The following PAK5 variants were observed in gnomAD, a reference collection of about 807,000 sequenced individuals.
PAK5 encodes p21 (RAC1) activated kinase 5.
PAK5 carries 16 observed loss-of-function variants against 65.9 expected under a neutral mutation model. That is an observed-to-expected ratio of 0.24 (90% confidence interval 0.16 to 0.37). PAK5 has a LOEUF of 0.37. Among genes scored for constraint, PAK5 ranks in the 10% least tolerant of loss-of-function variants. The pLI is 1.00. For synonymous variants in PAK5, 371 were observed against 354.9 expected (o/e 1.05, Z -0.51); for missense variants, 785 against 903.9 (o/e 0.87, Z 1.69).
At chr20:9,638,600 C>G (rs755948219) in intron 3 of PAK5, among the ~76,000 whole-genome samples, 13 of 152,188 alleles carry the variant, frequency 8.5e-5, no homozygotes, top group Non-Finnish European at 1.3e-4. Context: ...GGGCCCCATC[C>G]CAGTTCTACT....
chr20:9,642,432 G>A (rs1029266697), intron 3 of PAK5, among the ~76,000 whole-genome samples: 1 of 152,000 alleles, frequency 6.6e-6, no homozygotes, highest in African/African-American at 2.4e-5. Flanking sequence ...GATACTCCAG[G>A]GTAAGAAAAT....
At chr20:9,644,921 G>A (rs2047113781) in intron 2 of PAK5, among the ~76,000 whole-genome samples, 1 of 152,194 alleles carries the variant, frequency 6.6e-6, no homozygotes, top group Non-Finnish European at 1.5e-5. Flanking sequence ...AAGCTGACCA[G>A]TACACAGGGA....
At chr20:9,668,064 A>G (rs1266076311) in intron 2 of PAK5, among the ~76,000 whole-genome samples, 1 of 152,134 alleles carries the variant, frequency 6.6e-6, no homozygotes, top group Non-Finnish European at 1.5e-5. Context: ...TGAGAACAAG[A>G]GGAAAGAACT....
intron 1 of PAK5, among the ~76,000 whole-genome samples, chr20:9,774,628 C>T (rs1369305590): frequency 6.6e-6 from 1 of 152,076 alleles, no homozygotes; most frequent in East Asian, 1.9e-4. Context: ...AATGAATAAA[C>T]AAACTCTGAT....
At chr20:9,774,441 A>T (rs2123684287) in intron 1 of PAK5, among the ~76,000 whole-genome samples, 1 of 152,340 alleles carries the variant, frequency 6.6e-6, no homozygotes, top group East Asian at 1.9e-4. Context: ...GTATAAAAAT[A>T]GAACAACCAA....
intron 1 of PAK5, among the ~76,000 whole-genome samples, chr20:9,738,785 T>A (rs2048419498): frequency 6.6e-6 from 1 of 151,312 alleles, no homozygotes; most frequent in East Asian, 2.0e-4. Context: ...TATGTCAACA[T>A]GTATCAAATT....
chr20:9,558,043 T>TATTCATTCATTCATTCATTCATTC (rs35860631), intron 6 of PAK5, among the ~76,000 whole-genome samples: 1 of 138,870 alleles, frequency 7.2e-6, no homozygotes, highest in African/African-American at 2.9e-5. Flanking sequence ...TTTATTTATT[T>TATTCATTCATTCATTCATTCATTC]ATTCATTCAT....
At chr20:9,600,420 C>G (rs1369183353) in intron 3 of PAK5, among the ~76,000 whole-genome samples, 1 of 152,110 alleles carries the variant, frequency 6.6e-6, no homozygotes, top group Non-Finnish European at 1.5e-5. Context: ...TGGATTGAAC[C>G]TATGGATGAC....
intron 5 of PAK5, among the ~76,000 whole-genome samples, chr20:9,564,938 AT>A (rs1201433150): frequency 6.6e-6 from 1 of 151,678 alleles, no homozygotes; most frequent in East Asian, 1.9e-4. Context: ...TTTAATATTA[AT>A]TTTATTAGTA....
chr20:9,637,966 C>G (rs2123249740), intron 3 of PAK5, among the ~76,000 whole-genome samples: 1 of 152,050 alleles, frequency 6.6e-6, no homozygotes, highest in Non-Finnish European at 1.5e-5. Context: ...GGCTTTAGTC[C>G]ACCTAGAACA....
intron 3 of PAK5, among the ~76,000 whole-genome samples, chr20:9,582,947 A>AT (rs1204299366): frequency 6.6e-6 from 1 of 151,804 alleles, no homozygotes; most frequent in Non-Finnish European, 1.5e-5. Flanking sequence ...TCTTCCTTTT[A>AT]TTTTTTGAGC....
chr20:9,582,647 A>C (rs192939420), intron 3 of PAK5, among the ~76,000 whole-genome samples: 8 of 152,142 alleles, frequency 5.3e-5, no homozygotes, highest in African/African-American at 1.4e-4. Flanking sequence ...GCGTCTACTC[A>C]AGGGTCAGGG....
chr20:9,746,012 T>C lies in PAK5; in HGVS notation c.-161-34577A>G, dbSNP rs375676893. 4.7e-4 allele frequency among the ~76,000 whole-genome samples: 71 copies of C among 152,272 alleles called. 1 individual carries two copies. In the South Asian group the frequency reaches 0.014, roughly 31 times the overall value. Reference sequence around the variant, plus strand: ...TCAAAGAGAAGAAAGTTTTAAAAAATGACTCAGAGAAAACCCAATGTTAAT... The same window carrying C: ...TCAAAGAGAAGAAAGTTTTAAAAAACGACTCAGAGAAAACCCAATGTTAAT... On this transcript the variant is annotated intron_variant, in intron 1 of 9. Coordinates refer to ENST00000353224, the MANE Select transcript of PAK5 (RefSeq NM_177990.4).
At chr20:9,792,203 A>C (rs2049057095) in intron 1 of PAK5, among the ~76,000 whole-genome samples, 1 of 152,168 alleles carries the variant, frequency 6.6e-6, no homozygotes, top group East Asian at 1.9e-4. Flanking sequence ...TCACATTAGC[A>C]GGGGAAATCA....
At chr20:9,832,968 G>T (rs1978847242) in intron 1 of PAK5, among the ~76,000 whole-genome samples, 1 of 152,192 alleles carries the variant, frequency 6.6e-6, no homozygotes, top group African/African-American at 2.4e-5. Flanking sequence ...TAAAATGCAT[G>T]CATTGCTGCA....
Position 9,580,523 on chromosome 20 carries a change from G to A in PAK5, c.612C>T (p.Asp204=). The A allele has an allele frequency of 6.2e-7, 1 of 1,614,206 alleles. No individual in the cohort carries two copies. The highest frequency in any genetic ancestry group is 8.5e-7 in the Non-Finnish European group (1 of 1,180,036). Residue 204 remains aspartate (D), a synonymous_variant, in exon 4 of 10, where the codon GAC becomes GAT. Transcript: ENST00000353224. Reference sequence around the variant, plus strand: ...TGTATTCACTTGGTTTGCTCAGTGAGTCCAAATGTGAGTGATAATCGGCAG... The same window carrying A: ...TGTATTCACTTGGTTTGCTCAGTGAATCCAAATGTGAGTGATAATCGGCAG... ...RFSADYHSHL[D]SLSKPSEYSD...
chr20:9,682,436 T>G (rs2047663228), intron 2 of PAK5, among the ~76,000 whole-genome samples: 1 of 152,144 alleles, frequency 6.6e-6, no homozygotes, highest in African/African-American at 2.4e-5. Flanking sequence ...AAAAGAAAGA[T>G]GTGAGGTGAA....
At chr20:9,743,491 T>C (rs1569069100) in intron 1 of PAK5, among the ~76,000 whole-genome samples, 1 of 152,106 alleles carries the variant, frequency 6.6e-6, no homozygotes, top group Non-Finnish European at 1.5e-5. Flanking sequence ...AACTAACTTG[T>C]ATCAGACTCT....
intron 1 of PAK5, among the ~76,000 whole-genome samples, chr20:9,828,434 C>T (rs1569104465): frequency 1.3e-5 from 2 of 152,140 alleles, no homozygotes; most frequent in East Asian, 3.9e-4. Flanking sequence ...AAATCCCCCT[C>T]CTCCGTCAGT....
Sources: allele counts gnomAD v4.1 joint callset (sites outside exome capture counted in the v4.1 genomes callset), GRCh38; gene constraint gnomAD v4.1.1; transcripts MANE v1.5; gene names NCBI Gene and HGNC (gene_info 2026-07-23, HGNC 2026-07-21).